The following CNTNAP4 variants were observed in gnomAD, a reference collection of about 807,000 sequenced individuals.
CNTNAP4 encodes the protein contactin-associated protein-like 4.
A neutral mutation model predicts 148.4 loss-of-function variants in CNTNAP4; 98 were observed. The observed-to-expected ratio is 0.66, with a 90% CI of 0.56 to 0.78. The LOEUF (loss-of-function observed/expected upper bound fraction) is 0.78. Among genes scored for constraint, CNTNAP4 ranks in the 30% least tolerant of loss-of-function variants. The probability of loss-of-function intolerance (pLI) is 0.00; values close to 1 mark genes in which losing one functional copy is unlikely to be tolerated. For missense variants in CNTNAP4, 1,935 were observed against 1,565.6 expected (o/e 1.24, Z -3.98); for synonymous variants, 730 against 565.1 (o/e 1.29, Z -4.14).
chr16:76,533,821 T>C (rs1214690302), intron 17 of CNTNAP4, among the ~76,000 whole-genome samples: 1 of 152,190 alleles, frequency 6.6e-6, no homozygotes, highest in Non-Finnish European at 1.5e-5. Context: ...ACTCTCTAGA[T>C]TTATAAATAG....
At chr16:76,406,573 G>C (rs776098180) in intron 3 of CNTNAP4, among the ~76,000 whole-genome samples, 3 of 152,076 alleles carry the variant, frequency 2.0e-5, no homozygotes, top group Non-Finnish European at 2.9e-5. Context: ...GCCAAGTTGT[G>C]AATGCAAAGA....
At chr16:76,449,079 G>C in intron 6 of CNTNAP4, 128 bp downstream of exon 6, 1 of 866,742 alleles carries the variant, frequency 1.2e-6, no homozygotes, top group Non-Finnish European at 1.8e-6. Context: ...CATTTCCCAA[G>C]GCAGTCTAAC....
intron 3 of CNTNAP4, among the ~76,000 whole-genome samples, chr16:76,404,871 T>C (rs2078548054): frequency 6.6e-6 from 1 of 152,100 alleles, no homozygotes; most frequent in Non-Finnish European, 1.5e-5. Flanking sequence ...ATAATATATT[T>C]TTAATATTTT....
intron 2 of CNTNAP4, among the ~76,000 whole-genome samples, chr16:76,343,100 A>ATTT (rs534886341): frequency 2.6e-4 from 35 of 132,442 alleles, no homozygotes; most frequent in African/African-American, 9.2e-4. Context: ...AGCATAACCT[A>ATTT]TTTTTTTTTT....
intron 14 of CNTNAP4, among the ~76,000 whole-genome samples, chr16:76,496,195 T>C (rs1188849642): frequency 6.6e-6 from 1 of 151,842 alleles, no homozygotes; most frequent in Non-Finnish European, 1.5e-5. Flanking sequence ...CTCTCATTTT[T>C]CAAATTTCTA....
chr16:76,486,074 G>T (rs544531436), intron 12 of CNTNAP4, among the ~76,000 whole-genome samples: 101 of 152,308 alleles, frequency 6.6e-4, no homozygotes, highest in African/African-American at 2.4e-3. Context: ...GGTAAATCCA[G>T]TTGTTAATTA....
chr16:76,497,888 T>C (rs2082458791), intron 14 of CNTNAP4, among the ~76,000 whole-genome samples: 3 of 151,424 alleles, frequency 2.0e-5, no homozygotes, highest in African/African-American at 7.3e-5. Flanking sequence ...AAAAAAGAAA[T>C]CATATGGGGG....
intron 17 of CNTNAP4, among the ~76,000 whole-genome samples, chr16:76,530,702 CTT>C: frequency 6.6e-6 from 1 of 152,210 alleles, no homozygotes. Context: ...ACAGCTGCCT[CTT>C]TGAACCACGA....
intron 7 of CNTNAP4, 27 bp downstream of exon 7, chr16:76,449,885 G>A: frequency 1.3e-6 from 2 of 1,567,396 alleles, no homozygotes; most frequent in Non-Finnish European, 1.7e-6. Flanking sequence ...GAAGACATTA[G>A]TAAAACTATA....
chr16:76,353,058 C>G (rs1373524027), intron 2 of CNTNAP4, among the ~76,000 whole-genome samples: 1 of 152,024 alleles, frequency 6.6e-6, no homozygotes, highest in Non-Finnish European at 1.5e-5. Context: ...AAACTGCACC[C>G]CAAATCACAG....
At chr16:76,500,248 A>T (rs2082577645) in intron 15 of CNTNAP4, among the ~76,000 whole-genome samples, 1 of 152,074 alleles carries the variant, frequency 6.6e-6, no homozygotes, top group Non-Finnish European at 1.5e-5. Flanking sequence ...CACCTTCCGG[A>T]CGGGGCGGCT....
intron 1 of CNTNAP4, among the ~76,000 whole-genome samples, chr16:76,308,229 T>C (rs556894869): frequency 1.3e-5 from 2 of 152,324 alleles, no homozygotes; most frequent in Admixed American, 6.5e-5. Flanking sequence ...AATTTTCATG[T>C]CAATGTCAAA....
intron 21 of CNTNAP4, among the ~76,000 whole-genome samples, chr16:76,552,979 A>T (rs2085022639): frequency 6.6e-6 from 1 of 152,204 alleles, no homozygotes; most frequent in Non-Finnish European, 1.5e-5. Flanking sequence ...ATCTATATTT[A>T]AATTAAAAGT....
chr16:76,425,736 T>C (rs1173384868), intron 3 of CNTNAP4, among the ~76,000 whole-genome samples: 1 of 152,162 alleles, frequency 6.6e-6, no homozygotes, highest in African/African-American at 2.4e-5. Context: ...AATGGACTGC[T>C]GGTGCGAATC....
intron 3 of CNTNAP4, among the ~76,000 whole-genome samples, chr16:76,397,461 G>A (rs190301290): frequency 3.9e-4 from 59 of 152,036 alleles, no homozygotes; most frequent in African/African-American, 1.4e-3. Flanking sequence ...AGGGCTGAAG[G>A]CATGCGACAG....
rs537137318 is a variant in CNTNAP4, at chr16:76,550,154, T to C, written c.3443-3129T>C. 2.6e-5 allele frequency among the ~76,000 whole-genome samples: 4 copies of C among 152,230 alleles called. No individual in the cohort carries two copies. The South Asian group carries it at 6.2e-4, about 24-fold the overall frequency. ...CACCCTTAAAATAAACACATAAATA[T>C]AACCTAATCCATCAGGGTAATTTTC... On this transcript the variant is annotated intron_variant, in intron 21 of 23. Coordinates refer to ENST00000611870, the MANE Select transcript of CNTNAP4 (RefSeq NM_033401.5).
At chr16:76,426,404 A>G (rs2079404680) in intron 3 of CNTNAP4, among the ~76,000 whole-genome samples, 1 of 152,088 alleles carries the variant, frequency 6.6e-6, no homozygotes, top group East Asian at 1.9e-4. Flanking sequence ...TGAACCTGCA[A>G]ATGTAGTTGC....
chr16:76,404,880 T>G (rs1230233706), intron 3 of CNTNAP4, among the ~76,000 whole-genome samples: 1 of 152,140 alleles, frequency 6.6e-6, no homozygotes, highest in Non-Finnish European at 1.5e-5. Flanking sequence ...TTTTAATATT[T>G]TCATAACATA....
chr16:76,464,235 G>T (rs2081092889), intron 9 of CNTNAP4, among the ~76,000 whole-genome samples: 1 of 152,192 alleles, frequency 6.6e-6, no homozygotes, highest in African/African-American at 2.4e-5. Flanking sequence ...AACTAGAGGG[G>T]AAAGGGTTCT....
Sources: allele counts gnomAD v4.1 joint callset (sites outside exome capture counted in the v4.1 genomes callset), GRCh38; gene constraint gnomAD v4.1.1; transcripts MANE v1.5; gene names NCBI Gene and HGNC (gene_info 2026-07-23, HGNC 2026-07-21).